Variants in RIT2 observed in about 807,000 individuals in gnomAD.
The protein encoded by RIT2 is GTP-binding protein Rit2.
In RIT2, 24 loss-of-function variants were observed where a neutral mutation model predicts 23.7. The observed-to-expected ratio is 1.01, with a 90% confidence interval of 0.73 to 1.43. RIT2 has a LOEUF of 1.43. Among genes scored for constraint, RIT2 ranks in the 40% most tolerant of loss-of-function variants. RIT2 has a pLI of 0.00. For missense variants in RIT2, 236 were observed against 266.9 expected (o/e 0.88, Z 0.81); for synonymous variants, 107 against 91.1 (o/e 1.17, Z -0.99).
At chr18:43,052,644 C>T (rs982923993) in intron 1 of RIT2, among the ~76,000 whole-genome samples, 3 of 151,942 alleles carry the variant, frequency 2.0e-5, no homozygotes, top group Non-Finnish European at 4.4e-5. Flanking sequence ...TGACATTGCC[C>T]CAGTCATGTC....
intron 1 of RIT2, among the ~76,000 whole-genome samples, chr18:43,111,063 G>A (rs1453335855): frequency 6.6e-6 from 1 of 152,044 alleles, no homozygotes; most frequent in Non-Finnish European, 1.5e-5. Flanking sequence ...TCCATCAACA[G>A]AAGAATGAAT....
chr18:42,921,049 A>T (rs1366792842), intron 4 of RIT2, among the ~76,000 whole-genome samples: 1 of 152,142 alleles, frequency 6.6e-6, no homozygotes, highest in Admixed American at 6.6e-5. Context: ...ACTAGCTGCA[A>T]TAGTTTAGTA....
At chr18:42,925,699 C>T (rs1909162674) in intron 3 of RIT2, among the ~76,000 whole-genome samples, 1 of 151,630 alleles carries the variant, frequency 6.6e-6, no homozygotes, top group Non-Finnish European at 1.5e-5. Flanking sequence ...CCTCAAACTT[C>T]TAATTTTTCT....
At chr18:43,054,974 C>A (rs1209900135) in intron 1 of RIT2, among the ~76,000 whole-genome samples, 1 of 152,048 alleles carries the variant, frequency 6.6e-6, no homozygotes, top group African/African-American at 2.4e-5. Context: ...TATAGCTGTG[C>A]ATTGGATTCA....
intron 4 of RIT2, among the ~76,000 whole-genome samples, chr18:42,888,003 G>A (rs1429502084): frequency 2.0e-5 from 3 of 152,084 alleles, no homozygotes; most frequent in African/African-American, 7.2e-5. Flanking sequence ...GGAAGTTAGA[G>A]GAGAGAGAAG....
At chr18:43,031,589 G>A (rs1456462956) in intron 2 of RIT2, among the ~76,000 whole-genome samples, 1 of 151,968 alleles carries the variant, frequency 6.6e-6, no homozygotes, top group Non-Finnish European at 1.5e-5. Context: ...ATTACTCCTT[G>A]GGATGAACAC....
At chr18:42,987,140 T>C (rs2144222011) in intron 2 of RIT2, among the ~76,000 whole-genome samples, 1 of 152,248 alleles carries the variant, frequency 6.6e-6, no homozygotes, top group Admixed American at 6.5e-5. Context: ...CATATGTGTG[T>C]GTGTGTATGA....
chr18:42,964,182 CTCCA>C (rs1365430737), intron 3 of RIT2, among the ~76,000 whole-genome samples: 2 of 151,848 alleles, frequency 1.3e-5, no homozygotes, highest in African/African-American at 4.8e-5. Context: ...AAGGCCGAGA[CTCCA>C]TCTCAAAAAA....
intron 1 of RIT2, among the ~76,000 whole-genome samples, chr18:43,085,015 G>A (rs1287770689): frequency 6.6e-6 from 1 of 152,052 alleles, no homozygotes; most frequent in African/African-American, 2.4e-5. Context: ...GATGAAGCTG[G>A]GATGAGGGGG....
chr18:42,799,735 T>C (rs557803263), intron 4 of RIT2, among the ~76,000 whole-genome samples: 4 of 152,280 alleles, frequency 2.6e-5, no homozygotes, highest in African/African-American at 9.6e-5. Flanking sequence ...TCTCCATCCA[T>C]ATTGGTTTTA....
intron 4 of RIT2, among the ~76,000 whole-genome samples, chr18:42,882,461 T>C (rs1907920306): frequency 6.6e-6 from 1 of 152,214 alleles, no homozygotes; most frequent in African/African-American, 2.4e-5. Context: ...TTAAAGACTT[T>C]GACCTAGAAG....
At chr18:43,038,594 T>A (rs191274003) in intron 1 of RIT2, among the ~76,000 whole-genome samples, 6 of 152,266 alleles carry the variant, frequency 3.9e-5, no homozygotes, top group Non-Finnish European at 7.4e-5. Flanking sequence ...TTTCTCAGTA[T>A]ATATCTTCTT....
At position 43,017,117 on chromosome 18, in the gene RIT2, G is replaced by A. The variant is rs76784746; in HGVS notation, c.160+16694C>T. On this transcript the variant is annotated intron_variant, in intron 2 of 4. Coordinates refer to ENST00000326695, the MANE Select transcript of RIT2 (RefSeq NM_002930.4). ...CACTAAATCATTGAAAGTACTGAGC[G>A]GTATGTTACAATTTTAAATGTATCC... Among the ~76,000 whole-genome samples, 760 of 151,898 alleles carry A rather than the reference G, an allele frequency of 5.0e-3. 7 individuals are homozygous for A. Among genetic ancestry groups the A allele is most frequent in the African/African-American group, 0.016 (667 of 41,474 alleles).
intron 4 of RIT2, among the ~76,000 whole-genome samples, chr18:42,841,901 C>T (rs1448431702): frequency 6.6e-6 from 1 of 152,178 alleles, no homozygotes; most frequent in East Asian, 1.9e-4. Flanking sequence ...AGAGCTTTGT[C>T]ATAAAGCTTA....
At chr18:43,002,555 G>C (rs1036763945) in intron 2 of RIT2, among the ~76,000 whole-genome samples, 1 of 151,872 alleles carries the variant, frequency 6.6e-6, no homozygotes, top group Admixed American at 6.6e-5. Context: ...TCTTTAAGAT[G>C]AGAGGATAAC....
chr18:42,831,044 T>C (rs1906443161), intron 4 of RIT2, among the ~76,000 whole-genome samples: 1 of 152,208 alleles, frequency 6.6e-6, no homozygotes. Context: ...TCAAGTGTGT[T>C]GACCTCCTGA....
chr18:42,826,624 A>G (rs1236259251), intron 4 of RIT2, among the ~76,000 whole-genome samples: 2 of 152,098 alleles, frequency 1.3e-5, no homozygotes, highest in African/African-American at 4.8e-5. Context: ...ACATTATACA[A>G]GAAGATACAG....
At chr18:42,854,783 AC>A (rs1199097976) in intron 4 of RIT2, among the ~76,000 whole-genome samples, 1 of 152,184 alleles carries the variant, frequency 6.6e-6, no homozygotes. Flanking sequence ...TTACATTAAG[AC>A]CTTGGCCTTA....
chr18:42,977,666 A>G (rs1910505580), intron 2 of RIT2, among the ~76,000 whole-genome samples: 2 of 151,830 alleles, frequency 1.3e-5, no homozygotes, highest in Non-Finnish European at 2.9e-5. Flanking sequence ...GGTTTGTAAA[A>G]TAATGGTGGG....
Sources: allele counts gnomAD v4.1 joint callset (sites outside exome capture counted in the v4.1 genomes callset), GRCh38; gene constraint gnomAD v4.1.1; transcripts MANE v1.5; gene names NCBI Gene and HGNC (gene_info 2026-07-23, HGNC 2026-07-21).